The following MTF2 variants were observed in gnomAD, a reference collection of about 807,000 sequenced individuals.
MTF2 encodes metal response element binding transcription factor 2.
In MTF2, 11 loss-of-function variants were observed where a neutral mutation model predicts 79.5. That is an observed-to-expected ratio of 0.14 (90% CI 0.09 to 0.23). The LOEUF (loss-of-function observed/expected upper bound fraction) is 0.23. MTF2 is among the 10% of genes least tolerant of loss of function. MTF2 has a pLI of 1.00. For synonymous variants in MTF2, 208 were observed against 232.8 expected, an observed-to-expected ratio of 0.89 and a Z score of 0.97; for missense variants, 486 against 711.2, an observed-to-expected ratio of 0.68 and a Z score of 3.60.
Position 93,125,869 on chromosome 1 carries a change from G to A in MTF2, c.922-1363G>A, listed in dbSNP as rs561904872. Among the ~76,000 whole-genome samples the A allele has an allele frequency of 5.3e-5, 8 of 152,158 alleles. No individual in the cohort carries two copies. The South Asian group carries it at 1.4e-3, about 28-fold the overall frequency. On this transcript the variant is annotated intron_variant, in intron 9 of 14. Transcript: ENST00000370298. Reference sequence around the variant, plus strand: ...GTAAAAGAAGGAATGAAAGAGCTCTGGGGAGGAAGATTTTGCCTACTTATG... The same window carrying A: ...GTAAAAGAAGGAATGAAAGAGCTCTAGGGAGGAAGATTTTGCCTACTTATG...
At chr1:93,105,798 C>G (rs1289642662) in intron 1 of MTF2, among the ~76,000 whole-genome samples, 1 of 152,036 alleles carries the variant, frequency 6.6e-6, no homozygotes, top group African/African-American at 2.4e-5. Context: ...GCCTCAGCCT[C>G]CTGAGTAGCT....
intron 1 of MTF2, among the ~76,000 whole-genome samples, chr1:93,097,199 G>A (rs1292430259): frequency 6.6e-6 from 1 of 152,096 alleles, no homozygotes; most frequent in East Asian, 1.9e-4. Context: ...AATATATGCT[G>A]TATGATTTTA....
Position 93,121,521 on chromosome 1 carries a change from T to C in MTF2, c.921+849T>C, listed in dbSNP as rs952711371. ...GGAAGAATTTCTTGATTTGTAGCTT[T>C]GAGACACGAAGGACATCCTATTTCA... is the stretch of plus-strand genomic sequence containing the variant. On this transcript the variant is annotated intron_variant, in intron 9 of 14. Transcript: ENST00000370298. 4.1e-6 allele frequency: 4 copies of C among 985,012 alleles called. 1 individual carries two copies. Among genetic ancestry groups the C allele is most frequent in the Non-Finnish European group, 4.8e-6 (4 of 829,576 alleles). The allele number at this position is 985,012 out of a possible 1,614,324, so 61.0% of individuals were successfully genotyped here. A position where few individuals can be genotyped will look rare whatever the true frequency, so the allele number is the denominator to read the frequency against.
At chr1:93,081,547 T>A (rs1286803027) in intron 1 of MTF2, among the ~76,000 whole-genome samples, 1 of 152,230 alleles carries the variant, frequency 6.6e-6, no homozygotes, top group Admixed American at 6.5e-5. Flanking sequence ...TGATGGTTAA[T>A]ATTTTTGTAC....
intron 9 of MTF2, chr1:93,121,446 TAGTC>T (rs1656473588): frequency 1.6e-5 from 15 of 936,732 alleles, no homozygotes; most frequent in Non-Finnish European, 1.9e-5. Context: ...ATGTATATCT[TAGTC>T]ATGCTTTTTT....
At chr1:93,116,423 A>G (rs985661587) in intron 6 of MTF2, among the ~76,000 whole-genome samples, 4 of 151,312 alleles carry the variant, frequency 2.6e-5, no homozygotes, top group African/African-American at 9.7e-5. Context: ...GGCTTTTGAC[A>G]TACCTTCCTA....
chr1:93,130,969 A>ACC (rs1232916026), intron 11 of MTF2, among the ~76,000 whole-genome samples: 37 of 151,970 alleles, frequency 2.4e-4, no homozygotes, highest in African/African-American at 8.2e-4. Flanking sequence ...ACACACACAC[A>ACC]CCCTCATACA....
chr1:93,093,435 T>G (rs1169757947), intron 1 of MTF2, among the ~76,000 whole-genome samples: 1 of 152,188 alleles, frequency 6.6e-6, no homozygotes, highest in African/African-American at 2.4e-5. Context: ...CTCCTGGAGT[T>G]CTTCTGGAGT....
intron 1 of MTF2, among the ~76,000 whole-genome samples, chr1:93,099,593 T>C (rs997752120): frequency 6.6e-6 from 1 of 152,196 alleles, no homozygotes; most frequent in African/African-American, 2.4e-5. Flanking sequence ...TGGGAAAGTA[T>C]TGGTCAATTG....
chr1:93,112,642 G>C (rs1461400521), intron 3 of MTF2, among the ~76,000 whole-genome samples: 1 of 152,034 alleles, frequency 6.6e-6, no homozygotes, highest in Non-Finnish European at 1.5e-5. Context: ...AAAAATACTA[G>C]GTGAAAAATG....
At chr1:93,106,398 TGCC>T (rs1655789784) in intron 1 of MTF2, among the ~76,000 whole-genome samples, 7 of 151,882 alleles carry the variant, frequency 4.6e-5, no homozygotes, top group Admixed American at 3.9e-4. Context: ...AACGCAGACC[TGCC>T]ATGGCATTCT....
At chr1:93,127,165 T>C in intron 9 of MTF2, 67 bp from the exon 10 acceptor site, 1 of 1,098,338 alleles carries the variant, frequency 9.1e-7, no homozygotes, top group Non-Finnish European at 1.4e-6. Context: ...ATTGCCTCTA[T>C]CTAGCACCTG....
chr1:93,138,012 GTC>G lies in MTF2; in HGVS notation c.*987_*988del. On this transcript the variant is annotated 3_prime_UTR_variant, in exon 15 of 15. Transcript: ENST00000370298. Reference sequence around the variant, plus strand: ...AAATGTCTCTCATTTTTAACAGTAAGTCTATAGGAGTCCCGTGAAGATTCCTG... The same window carrying G: ...AAATGTCTCTCATTTTTAACAGTAAGTATAGGAGTCCCGTGAAGATTCCTG... 1 of 152,256 alleles carries G rather than the reference GTC, an allele frequency of 6.6e-6. No homozygotes were observed. Among genetic ancestry groups the G allele is most frequent in the East Asian group, 1.9e-4 (1 of 5,192 alleles). 9.4% of individuals were successfully genotyped at this position (152,256 alleles called of 1,614,324 possible).
At chr1:93,117,917 T>A (rs1372890062) in intron 6 of MTF2, among the ~76,000 whole-genome samples, 2 of 152,030 alleles carry the variant, frequency 1.3e-5, no homozygotes, top group Non-Finnish European at 2.9e-5. Context: ...CCTAGCTACT[T>A]GGGAGGCTGA....
intron 10 of MTF2, 81 bp from the exon 11 acceptor site, chr1:93,129,197 T>A: frequency 1.0e-6 from 1 of 993,074 alleles, no homozygotes; most frequent in Non-Finnish European, 1.4e-6. Context: ...ATAAGGGCCT[T>A]ATATATGAAA....
At chr1:93,118,813 G>A (rs906393420) in intron 7 of MTF2, among the ~76,000 whole-genome samples, 4 of 152,204 alleles carry the variant, frequency 2.6e-5, no homozygotes, top group Non-Finnish European at 5.9e-5. Context: ...CAGACTTAAT[G>A]TACTTTCTAT....
chr1:93,125,064 G>A (rs1656636068), intron 9 of MTF2, among the ~76,000 whole-genome samples: 1 of 151,948 alleles, frequency 6.6e-6, no homozygotes, highest in Non-Finnish European at 1.5e-5. Context: ...AAATTTCTGA[G>A]AAACGGTAGG....
rs144203980 is a variant in MTF2 at position 93,135,845 on chromosome 1, T to G, written c.1425-825T>G. Among the ~76,000 whole-genome samples the G allele has an allele frequency of 5.7e-4, 87 of 152,356 alleles. 1 individual carries two copies. In the East Asian group the frequency reaches 0.014, roughly 24 times the overall value. ...AAAGAGAACAATTTTTTGAGTTGTG[T>G]AAGTCCTGTTGTTCTCATTTTACAG... On this transcript the variant is annotated intron_variant, in intron 14 of 14. Transcript: ENST00000370298.
chr1:93,105,198 G>C (rs184695746), intron 1 of MTF2, among the ~76,000 whole-genome samples: 29 of 151,966 alleles, frequency 1.9e-4, no homozygotes, highest in African/African-American at 7.0e-4. Flanking sequence ...AGGTTAGTGG[G>C]TTATATTGAA....
Sources: gnomAD v4.1 joint callset for allele counts (sites outside exome capture counted in the v4.1 genomes callset) on GRCh38, gnomAD v4.1.1 for gene constraint, MANE v1.5 for transcripts, NCBI Gene and HGNC (gene_info 2026-07-23, HGNC 2026-07-21) for gene names.